Variants in LRRTM4 observed in about 807,000 individuals in gnomAD.
LRRTM4 encodes leucine-rich repeat transmembrane neuronal protein 4.
In LRRTM4, 25 loss-of-function variants were observed where a neutral mutation model predicts 47.6. The ratio of observed to expected loss-of-function variants is 0.53; its 90% CI spans 0.38 to 0.73. The LOEUF (loss-of-function observed/expected upper bound fraction) is 0.73. Ranked by LOEUF, LRRTM4 falls within the 30% of genes least tolerant of loss-of-function variation. The pLI is 0.00. For missense variants in LRRTM4, 638 were observed against 713.4 expected (o/e 0.89, Z 1.20); for synonymous variants, 311 against 269.5 (o/e 1.15, Z -1.51).
At chr2:77,363,248 A>G (rs1672309284) in intron 3 of LRRTM4, among the ~76,000 whole-genome samples, 1 of 152,236 alleles carries the variant, frequency 6.6e-6, no homozygotes, top group Non-Finnish European at 1.5e-5. Flanking sequence ...TCCACATTTT[A>G]TAATATGTAG....
chr2:77,384,679 C>T (rs1282457835), intron 3 of LRRTM4, among the ~76,000 whole-genome samples: 2 of 151,886 alleles, frequency 1.3e-5, no homozygotes, highest in African/African-American at 4.8e-5. Flanking sequence ...CCCAAATTGG[C>T]TTTTATCTCT....
intron 3 of LRRTM4, among the ~76,000 whole-genome samples, chr2:77,427,339 T>G (rs1369999051): frequency 6.6e-6 from 1 of 152,116 alleles, no homozygotes; most frequent in South Asian, 2.1e-4. Context: ...CTGAGAAAAA[T>G]TTGTTGAAAA....
chr2:76,767,714 A>G (rs2104101823), intron 3 of LRRTM4, among the ~76,000 whole-genome samples: 1 of 152,130 alleles, frequency 6.6e-6, no homozygotes, highest in South Asian at 2.1e-4. Context: ...TCTCTTCCTT[A>G]ACTTCTTTCC....
At chr2:77,431,494 G>A (rs895216669) in intron 3 of LRRTM4, among the ~76,000 whole-genome samples, 1 of 148,570 alleles carries the variant, frequency 6.7e-6, no homozygotes, top group Non-Finnish European at 1.5e-5. Context: ...TTCTGCCCCT[G>A]GCTCCCCAAA....
intron 3 of LRRTM4, among the ~76,000 whole-genome samples, chr2:76,836,834 T>G (rs946992212): frequency 6.6e-6 from 1 of 152,142 alleles, no homozygotes; most frequent in African/African-American, 2.4e-5. Flanking sequence ...ACCTTGGGGC[T>G]AGGGCATATG....
chr2:76,903,876 A>T (rs1207784458), intron 3 of LRRTM4, among the ~76,000 whole-genome samples: 2 of 152,230 alleles, frequency 1.3e-5, no homozygotes, highest in African/African-American at 4.8e-5. Context: ...TTTTTACTAT[A>T]ATGGGAACCC....
At chr2:77,147,802 G>T (rs1672299486) in intron 3 of LRRTM4, among the ~76,000 whole-genome samples, 1 of 152,076 alleles carries the variant, frequency 6.6e-6, no homozygotes, top group Non-Finnish European at 1.5e-5. Context: ...TGTTAAGGAG[G>T]CATTTACTAG....
chr2:77,046,650 G>A (rs568660179), intron 3 of LRRTM4, among the ~76,000 whole-genome samples: 14 of 151,852 alleles, frequency 9.2e-5, no homozygotes, highest in Admixed American at 6.6e-4. Context: ...GGAAGCAATT[G>A]CCTCATTCAC....
At chr2:76,838,763 C>T (rs1192485421) in intron 3 of LRRTM4, among the ~76,000 whole-genome samples, 3 of 152,024 alleles carry the variant, frequency 2.0e-5, no homozygotes, top group South Asian at 2.1e-4. Flanking sequence ...TCTATTTTGA[C>T]GTTGAACATG....
intron 3 of LRRTM4, among the ~76,000 whole-genome samples, chr2:77,311,988 A>G (rs943702280): frequency 2.6e-5 from 4 of 152,102 alleles, no homozygotes; most frequent in African/African-American, 4.8e-5. Flanking sequence ...AATAGCAGAC[A>G]CAGTATATTT....
chr2:77,069,379 A>G (rs1254411854), intron 3 of LRRTM4, among the ~76,000 whole-genome samples: 1 of 150,694 alleles, frequency 6.6e-6, no homozygotes, highest in Non-Finnish European at 1.5e-5. Context: ...GTACTGGGTC[A>G]TATGGAACTC....
At chr2:77,013,953 G>A (rs1197614765) in intron 3 of LRRTM4, among the ~76,000 whole-genome samples, 3 of 152,188 alleles carry the variant, frequency 2.0e-5, no homozygotes, top group Admixed American at 1.3e-4. Flanking sequence ...AAGGGAGTTT[G>A]ACAATAAGAT....
intron 3 of LRRTM4, among the ~76,000 whole-genome samples, chr2:77,093,396 A>C (rs1670709983): frequency 6.6e-6 from 1 of 150,926 alleles, no homozygotes; most frequent in African/African-American, 2.5e-5. Context: ...TAGTTTCTCA[A>C]TTCATCCAAA....
At chr2:76,934,457 T>A (rs1295139971) in intron 3 of LRRTM4, among the ~76,000 whole-genome samples, 2 of 152,164 alleles carry the variant, frequency 1.3e-5, no homozygotes, top group Admixed American at 1.3e-4. Context: ...ATTGTAAAAT[T>A]CAGATTACTG....
At chr2:76,906,076 A>G (rs529054236) in intron 3 of LRRTM4, among the ~76,000 whole-genome samples, 5 of 152,310 alleles carry the variant, frequency 3.3e-5, no homozygotes, top group African/African-American at 1.2e-4. Flanking sequence ...GAAGGAAAAA[A>G]TGTTAAGGGC....
At chr2:77,354,454 G>GGTTA (rs540169119) in intron 3 of LRRTM4, among the ~76,000 whole-genome samples, 127 of 152,146 alleles carry the variant, frequency 8.3e-4, no homozygotes, top group African/African-American at 2.9e-3. Context: ...ATGCTTCAGC[G>GGTTA]GTTAGTTTGA....
chr2:77,398,940 G>A (rs971326972), intron 3 of LRRTM4, among the ~76,000 whole-genome samples: 5 of 151,770 alleles, frequency 3.3e-5, no homozygotes, highest in Non-Finnish European at 7.4e-5. Flanking sequence ...TTGACAGGTG[G>A]AGGTTGGTAG....
At chr2:76,841,910 G>A (rs918190911) in intron 3 of LRRTM4, among the ~76,000 whole-genome samples, 2 of 152,086 alleles carry the variant, frequency 1.3e-5, no homozygotes, top group South Asian at 2.1e-4. Flanking sequence ...GAAGCTATGG[G>A]ACAATGGGCT....
chr2:77,444,467 G>A (rs1340592773), intron 3 of LRRTM4, among the ~76,000 whole-genome samples: 3 of 152,080 alleles, frequency 2.0e-5, no homozygotes, highest in Admixed American at 6.6e-5. Flanking sequence ...AAGGACACAC[G>A]ACAGGCTGAC....
Sources: gnomAD v4.1 joint callset for allele counts (sites outside exome capture counted in the v4.1 genomes callset) on GRCh38, gnomAD v4.1.1 for gene constraint, MANE v1.5 for transcripts, NCBI Gene and HGNC (gene_info 2026-07-23, HGNC 2026-07-21) for gene names.